Variants in SYNJ1 observed in about 807,000 individuals in gnomAD.
The protein encoded by SYNJ1 is synaptojanin 1, also known as polyphosphatidylinositol phosphatase SYNJ1.
SYNJ1 carries 78 observed loss-of-function variants against 168.2 expected under a neutral mutation model. The observed-to-expected ratio is 0.46, with a 90% CI of 0.39 to 0.56. The LOEUF (loss-of-function observed/expected upper bound fraction) is 0.56. Ranked by LOEUF, SYNJ1 falls within the 20% of genes least tolerant of loss-of-function variation. The pLI is 0.00. For missense variants in SYNJ1, 1,303 were observed against 1,597.6 expected, an observed-to-expected ratio of 0.82 and a Z score of 3.14; for synonymous variants, 539 against 548.6, an observed-to-expected ratio of 0.98 and a Z score of 0.24.
chr21:32,695,406 A>T lies in SYNJ1; in HGVS notation c.480-124T>A, dbSNP rs975231841. The T allele has an allele frequency of 6.7e-6, 6 of 893,556 alleles. No homozygotes were observed. The African/African-American group carries it at 8.4e-5, about 13-fold the overall frequency. The allele number at this position is 893,556 out of a possible 1,614,324, so 55.4% of individuals were successfully genotyped here. ...ATTTAAAGGCACAAACAACAAATCAATTCATTTACATTTACTATGCTAGGG... is the reference window on the plus strand; with the variant it reads ...ATTTAAAGGCACAAACAACAAATCATTTCATTTACATTTACTATGCTAGGG... On this transcript the variant is annotated intron_variant, in intron 4 of 32. Transcript: ENST00000674351.
rs77286310 is a variant in SYNJ1, at chr21:32,722,914, T to C, written c.124+3858A>G. Among the ~76,000 whole-genome samples, 341 of 152,330 alleles carry C rather than the reference T, an allele frequency of 2.2e-3. 7 individuals carry two copies. The highest frequency in any genetic ancestry group is 0.019 in the South Asian group (92 of 4,822). ...CAACAGCACCAAAATTCTGGAAACA[T>C]GGTTATTTTGGATAAAATCTGCAAG... On this transcript the variant is annotated intron_variant, in intron 2 of 32. Coordinates refer to ENST00000674351, the MANE Select transcript of SYNJ1 (RefSeq NM_203446.3).
At chr21:32,639,877 A>T (rs1390327829) in intron 29 of SYNJ1, 98 bp from the exon 30 acceptor site, 1 of 950,422 alleles carries the variant, frequency 1.1e-6, no homozygotes, top group Non-Finnish European at 1.6e-6. Context: ...ACTTTCTTCT[A>T]TGGTATTAGT....
At chr21:32,700,393 G>A (rs1037552228) in intron 3 of SYNJ1, among the ~76,000 whole-genome samples, 6 of 152,178 alleles carry the variant, frequency 3.9e-5, no homozygotes, top group Non-Finnish European at 5.9e-5. Context: ...GGTGGCTCAC[G>A]CCTGTAATCC....
At chr21:32,681,140 A>G (rs1239113552) in intron 11 of SYNJ1, among the ~76,000 whole-genome samples, 1 of 152,222 alleles carries the variant, frequency 6.6e-6, no homozygotes, top group Non-Finnish European at 1.5e-5. Flanking sequence ...TAAGAGGTCT[A>G]TGGTTTTAAA....
In SYNJ1 at chr21:32,648,890, C is replaced by T. The variant is rs112415227; in HGVS notation, c.3037+1294G>A. ...CACACCTACTTCTCTCTCTGCATTT[C>T]TTTTCTTCATTTACTCCCTCACAAA... On this transcript the variant is annotated intron_variant, in intron 23 of 32. Coordinates refer to ENST00000674351, the MANE Select transcript of SYNJ1 (RefSeq NM_203446.3). 7.9e-5 allele frequency among the ~76,000 whole-genome samples: 12 copies of T among 152,324 alleles called. 1 individual carries two copies. Among genetic ancestry groups the T allele is most frequent in the African/African-American group, 2.6e-4 (11 of 41,572 alleles).
At chr21:32,675,540 G>A (rs546005515) in intron 13 of SYNJ1, among the ~76,000 whole-genome samples, 5 of 152,086 alleles carry the variant, frequency 3.3e-5, no homozygotes, top group East Asian at 3.9e-4. Context: ...TACCCTTCTC[G>A]AGAAAATAAT....
chr21:32,725,624 A>G (rs749733921), intron 2 of SYNJ1, among the ~76,000 whole-genome samples: 23 of 152,196 alleles, frequency 1.5e-4, no homozygotes, highest in Admixed American at 1.5e-3. Flanking sequence ...TTTAACTGAC[A>G]TTAATATTCT....
chr21:32,676,891 T>C (rs1218840844), intron 12 of SYNJ1, among the ~76,000 whole-genome samples: 1 of 152,130 alleles, frequency 6.6e-6, no homozygotes, highest in Non-Finnish European at 1.5e-5. Flanking sequence ...GGGGTTGGGG[T>C]ACCACGTTCA....
Position 32,727,745 on chromosome 21 carries a change from C to T in SYNJ1, c.-23+201G>A, listed in dbSNP as rs1569146176. The T allele has an allele frequency of 5.8e-6, 7 of 1,201,922 alleles. No homozygotes were observed. In the East Asian group the frequency reaches 1.8e-4, roughly 31 times the overall value. 74.5% of individuals were successfully genotyped at this position (1,201,922 alleles called of 1,614,324 possible). On this transcript the variant is annotated intron_variant, in intron 1 of 32. Coordinates refer to ENST00000674351, the MANE Select transcript of SYNJ1 (RefSeq NM_203446.3). ...GGCTGACAGCCGCTGTCACCACAGC[C>T]CCCAGCCTGACGCGGCACCCCGCAC... is the stretch of plus-strand genomic sequence containing the variant.
At chr21:32,678,608 G>C (rs141255303) in intron 12 of SYNJ1, 37 bp downstream of exon 12, 1 of 1,518,050 alleles carries the variant, frequency 6.6e-7, no homozygotes, top group Admixed American at 2.4e-5. Flanking sequence ...GGACCTTTAG[G>C]AATATAAATA....
intron 13 of SYNJ1, among the ~76,000 whole-genome samples, chr21:32,676,031 A>C (rs936044335): frequency 3.9e-5 from 6 of 152,202 alleles, no homozygotes; most frequent in Admixed American, 2.6e-4. Context: ...AACACTAATA[A>C]TATTTGTTCA....
chr21:32,666,732 T>C (rs561766304), intron 15 of SYNJ1, among the ~76,000 whole-genome samples, 159 bp from the exon 16 acceptor site: 2 of 152,342 alleles, frequency 1.3e-5, no homozygotes, highest in East Asian at 3.9e-4. Flanking sequence ...ATCTACAATT[T>C]AGCCAAAAGA....
At chr21:32,716,731 T>G (rs1013598590) in intron 2 of SYNJ1, among the ~76,000 whole-genome samples, 1 of 152,240 alleles carries the variant, frequency 6.6e-6, no homozygotes, top group African/African-American at 2.4e-5. Context: ...CAAGTGTTTT[T>G]CTTCCCTACC....
At chr21:32,663,198 C>T (rs945394863) in intron 18 of SYNJ1, among the ~76,000 whole-genome samples, 1 of 152,078 alleles carries the variant, frequency 6.6e-6, no homozygotes, top group African/African-American at 2.4e-5. Flanking sequence ...CTGATGAATT[C>T]CCAGCTCAAA....
At chr21:32,697,176 T>A (rs1271953003) in intron 4 of SYNJ1, among the ~76,000 whole-genome samples, 3 of 152,196 alleles carry the variant, frequency 2.0e-5, no homozygotes, top group Admixed American at 6.5e-5. Context: ...GACTTTTGAC[T>A]GGCAGCAGCT....
Position 32,631,073 on chromosome 21 carries a change from G to A in SYNJ1, c.*732C>T, listed in dbSNP as rs148676465. 222 of 1,614,180 alleles carry A rather than the reference G, an allele frequency of 1.4e-4. No homozygotes were observed. In the African/African-American group the frequency reaches 2.5e-3, roughly 19 times the overall value. On this transcript the variant is annotated 3_prime_UTR_variant, in exon 33 of 33. Transcript: ENST00000674351. Reference sequence around the variant, plus strand: ...AAGGATCTACTGGAGGGCTGGTGCCGGGCGGGAGCAGAGGGACAGGAGGTG... The same window carrying A: ...AAGGATCTACTGGAGGGCTGGTGCCAGGCGGGAGCAGAGGGACAGGAGGTG...
chr21:32,665,048 G>A lies in SYNJ1; in HGVS notation c.2169C>T (p.Asp723=), dbSNP rs749798884. ...TGAAATCACCACACCAAAATACATA[G>A]TCATGGGAAAATAGCATCCTTCCCT... ...FPMGRMLFSH[D]YVFWCGDFNY... Residue 723 remains aspartate (D), a synonymous_variant, in exon 18 of 33, where the codon GAC becomes GAT. Transcript: ENST00000674351. 4 of 1,601,740 alleles carry A rather than the reference G, an allele frequency of 2.5e-6. No individual in the cohort carries two copies. The African/African-American group carries it at 5.4e-5, about 22-fold the overall frequency.
intron 27 of SYNJ1, among the ~76,000 whole-genome samples, chr21:32,642,654 A>G (rs1203052300): frequency 1.3e-5 from 2 of 152,214 alleles, no homozygotes; most frequent in Non-Finnish European, 2.9e-5. Context: ...TCTATAACAA[A>G]ATCCCATCAT....
In SYNJ1 at chr21:32,650,357, A is replaced by G. The variant is rs772512134; in HGVS notation, c.2875-11T>C. 6.3e-7 allele frequency: 1 copy of G among 1,585,612 alleles called. No homozygotes were observed. Among genetic ancestry groups the G allele is most frequent in the Non-Finnish European group, 8.5e-7 (1 of 1,171,034 alleles). ...AGTCCGATTCAATAACTAGCGGAGT[A>G]AAAGAGATATAAAATAAAGATTAAC... is the stretch of plus-strand genomic sequence containing the variant. On this transcript the variant is annotated splice_polypyrimidine_tract_variant and intron_variant, in intron 22 of 32. Coordinates refer to ENST00000674351, the MANE Select transcript of SYNJ1 (RefSeq NM_203446.3).
Sources: allele counts gnomAD v4.1 joint callset (sites outside exome capture counted in the v4.1 genomes callset), GRCh38; gene constraint gnomAD v4.1.1; transcripts MANE v1.5; gene names NCBI Gene and HGNC (gene_info 2026-07-23, HGNC 2026-07-21).